LTBP1: variants seen among roughly 807,000 people sequenced by gnomAD.
The protein encoded by LTBP1 is latent transforming growth factor beta binding protein 1, also known as latent-transforming growth factor beta-binding protein 1.
In LTBP1, 129 loss-of-function variants were observed where a neutral mutation model predicts 207.6. That is an observed-to-expected ratio of 0.62 (90% CI 0.54 to 0.72). LTBP1 has a LOEUF of 0.72. Among genes scored for constraint, LTBP1 ranks in the 30% least tolerant of loss-of-function variants. The probability of loss-of-function intolerance (pLI) is 0.00; values close to 1 mark genes in which losing one functional copy is unlikely to be tolerated. For synonymous variants in LTBP1, 963 were observed against 833.7 expected (o/e 1.16, Z -2.67); for missense variants, 2,281 against 2,217.2 (o/e 1.03, Z -0.58).
chr2:33,238,289 G>T (rs1453659751), intron 9 of LTBP1, among the ~76,000 whole-genome samples: 1 of 152,108 alleles, frequency 6.6e-6, no homozygotes, highest in Non-Finnish European at 1.5e-5. Context: ...ACTCCTGTTG[G>T]ACATGCCTCA....
chr2:33,043,806 A>T (rs2076311430), intron 3 of LTBP1, among the ~76,000 whole-genome samples: 2 of 152,206 alleles, frequency 1.3e-5, no homozygotes. Context: ...CAGGCGGTGG[A>T]GGACCAGGCA....
chr2:33,381,139 A>G (rs2095209637), intron 31 of LTBP1, among the ~76,000 whole-genome samples: 1 of 152,068 alleles, frequency 6.6e-6, no homozygotes, highest in Non-Finnish European at 1.5e-5. Context: ...CTCATTCCTG[A>G]TTTCCTATGA....
intron 19 of LTBP1, among the ~76,000 whole-genome samples, chr2:33,289,722 G>T (rs1436433729): frequency 6.6e-6 from 1 of 152,082 alleles, no homozygotes; most frequent in Non-Finnish European, 1.5e-5. Flanking sequence ...CAGATAAAAC[G>T]CAAAGGCCTG....
chr2:33,274,010 A>T (rs1051823617), intron 16 of LTBP1, among the ~76,000 whole-genome samples: 7 of 152,222 alleles, frequency 4.6e-5, no homozygotes, highest in Non-Finnish European at 8.8e-5. Flanking sequence ...TATTTACATA[A>T]AGGTGAAATA....
intron 7 of LTBP1, among the ~76,000 whole-genome samples, chr2:33,192,179 G>A (rs1015172187): frequency 6.6e-6 from 1 of 152,176 alleles, no homozygotes; most frequent in African/African-American, 2.4e-5. Context: ...GCAGGCTATT[G>A]CACAAATATT....
chr2:33,228,717 T>TTTTTTTTTTTTTTTTTTTTTTTTTG (rs1553461062), intron 9 of LTBP1, among the ~76,000 whole-genome samples: 1 of 144,190 alleles, frequency 6.9e-6, no homozygotes, highest in African/African-American at 2.6e-5. Flanking sequence ...TTTTTTTTTT[T>TTTTTTTTTTTTTTTTTTTTTTTTTG]TGAGATGGAG....
At chr2:33,368,836 C>T (rs1031713755) in intron 31 of LTBP1, among the ~76,000 whole-genome samples, 10 of 152,320 alleles carry the variant, frequency 6.6e-5, no homozygotes, top group African/African-American at 2.2e-4. Flanking sequence ...AAGATCGCAC[C>T]ACTGCACTCC....
chr2:33,069,629 G>T (rs574753787), intron 3 of LTBP1, among the ~76,000 whole-genome samples: 1 of 152,294 alleles, frequency 6.6e-6, no homozygotes, highest in East Asian at 1.9e-4. Flanking sequence ...ATAGACTCAG[G>T]TTCCTAGTAC....
rs577412199 is a variant in LTBP1, at chr2:33,329,556, G to GT, written c.3731-13275dup. 9.2e-5 allele frequency among the ~76,000 whole-genome samples: 14 copies of GT among 152,144 alleles called. No individual in the cohort carries two copies. The South Asian group carries it at 2.7e-3, about 29-fold the overall frequency. Reference sequence around the variant, plus strand: ...AATTTGGATTTGTAAGGCCCCTGAAGTTTTTTTGCATATGGTGAGAAATAG... The same window carrying GT: ...AATTTGGATTTGTAAGGCCCCTGAAGTTTTTTTTGCATATGGTGAGAAATAG... On this transcript the variant is annotated intron_variant, in intron 24 of 33. Transcript: ENST00000404816.
At chr2:33,393,231 CTTCTT>C (rs1325281336) in intron 32 of LTBP1, among the ~76,000 whole-genome samples, 7 of 78,330 alleles carry the variant, frequency 8.9e-5, no homozygotes, top group African/African-American at 3.1e-4. Flanking sequence ...TTTCCTTCTT[CTTCTT>C]TTTTTTTTTT....
intron 3 of LTBP1, among the ~76,000 whole-genome samples, chr2:33,106,872 G>T (rs1308323763): frequency 6.6e-6 from 1 of 152,190 alleles, no homozygotes; most frequent in African/African-American, 2.4e-5. Flanking sequence ...CTTCTCCCTT[G>T]CTTGAGTTGG....
At position 33,201,379 on chromosome 2, in the gene LTBP1, A is replaced by T. The variant is rs1205193664; in HGVS notation, c.1701+12528A>T. 2.8e-4 allele frequency among the ~76,000 whole-genome samples: 42 copies of T among 152,044 alleles called. No individual in the cohort carries two copies. The East Asian group carries it at 8.2e-3, about 30-fold the overall frequency. On this transcript the variant is annotated intron_variant, in intron 7 of 33. Coordinates refer to ENST00000404816, the MANE Select transcript of LTBP1 (RefSeq NM_206943.4). ...ATTCTCAGTAAACTATGGCAAGGACAAAAAAACCAAACACCGCATATTCTC... is the reference window on the plus strand; with the variant it reads ...ATTCTCAGTAAACTATGGCAAGGACTAAAAAACCAAACACCGCATATTCTC...
chr2:33,049,636 A>T (rs1368738285), intron 3 of LTBP1, among the ~76,000 whole-genome samples: 1 of 152,124 alleles, frequency 6.6e-6, no homozygotes, highest in African/African-American at 2.4e-5. Flanking sequence ...TTTAAATTTC[A>T]TTTTTATCTC....
chr2:33,295,248 A>T (rs1573676071), intron 20 of LTBP1, among the ~76,000 whole-genome samples: 1 of 152,122 alleles, frequency 6.6e-6, no homozygotes, highest in African/African-American at 2.4e-5. Flanking sequence ...TAATACATAT[A>T]TAAACGTATG....
At chr2:33,357,347 G>A (rs1465984846) in intron 26 of LTBP1, among the ~76,000 whole-genome samples, 1 of 152,148 alleles carries the variant, frequency 6.6e-6, no homozygotes, top group Admixed American at 6.6e-5. Context: ...CAGCAGCAGA[G>A]ATTATCTGCG....
intron 4 of LTBP1, among the ~76,000 whole-genome samples, chr2:33,124,280 C>T (rs1292468698): frequency 6.6e-6 from 1 of 152,124 alleles, no homozygotes; most frequent in South Asian, 2.1e-4. Context: ...CATGGTGCTA[C>T]ATGTCTGTAA....
Position 33,178,401 on chromosome 2 carries a change from A to G in LTBP1, c.1202-8455A>G, listed in dbSNP as rs369488368. Among the ~76,000 whole-genome samples the G allele has an allele frequency of 4.6e-5, 7 of 152,220 alleles. No homozygotes were observed. The East Asian group carries it at 9.6e-4, about 21-fold the overall frequency. ...GTTGATGATAAATGAACAGGAAGCT[A>G]TAAACAAAGTTGAGATGATGAATGG... On this transcript the variant is annotated intron_variant, in intron 5 of 33. Transcript: ENST00000404816.
rs375749254 is a variant in LTBP1, at chr2:33,134,930, G to A, written c.1171G>A (p.Asp391Asn). 2 of 1,613,246 alleles carry A rather than the reference G, an allele frequency of 1.2e-6. No homozygotes were observed. Among genetic ancestry groups the A allele is most frequent in the South Asian group, 2.2e-5 (2 of 90,974 alleles). The change falls in exon 5 of 34, where the codon GAC becomes AAC. Residue 391 changes from aspartate (D) to asparagine (N), a missense_variant. Coordinates refer to ENST00000404816, the MANE Select transcript of LTBP1 (RefSeq NM_206943.4). The surrounding 1 kb of genome is among the most constrained non-coding windows in gnomAD (Gnocchi z 4.4). ...TLISENGHAADTLTATNFRVV... is the reference protein window; with the variant it reads ...TLISENGHAANTLTATNFRVV... ...CATTAGTGAGAATGGTCATGCTGCCGACACCCTGACGGCCACGAACTTCCG... is the reference window on the plus strand; with the variant it reads ...CATTAGTGAGAATGGTCATGCTGCCAACACCCTGACGGCCACGAACTTCCG...
chr2:33,142,187 G>T (rs1360483362), intron 5 of LTBP1, among the ~76,000 whole-genome samples: 2 of 151,956 alleles, frequency 1.3e-5, no homozygotes, highest in Non-Finnish European at 2.9e-5. Context: ...GAGCAGCTGG[G>T]ATCACAGGCG....
Sources: allele counts gnomAD v4.1 joint callset (sites outside exome capture counted in the v4.1 genomes callset), GRCh38; gene constraint gnomAD v4.1.1; non-coding constraint Gnocchi (gnomAD v3.1); transcripts MANE v1.5; gene names NCBI Gene and HGNC (gene_info 2026-07-23, HGNC 2026-07-21).